CLCN3: variants seen among roughly 807,000 people sequenced by gnomAD.
CLCN3 encodes H(+)/Cl(-) exchange transporter 3.
Under a neutral mutation model 83.4 loss-of-function variants are expected in CLCN3, and 16 were observed. The observed-to-expected ratio is 0.19, with a 90% CI of 0.13 to 0.29. The LOEUF is 0.29. Among genes scored for constraint, CLCN3 ranks in the 10% least tolerant of loss-of-function variants. The probability of loss-of-function intolerance (pLI) is 1.00; values close to 1 mark genes in which losing one functional copy is unlikely to be tolerated. For missense variants in CLCN3, 544 were observed against 1,006.0 expected (o/e 0.54, Z 6.21); for synonymous variants, 322 against 346.2 (o/e 0.93, Z 0.78).
At chr4:169,623,304 G>A (rs967316621) in intron 1 of CLCN3, among the ~76,000 whole-genome samples, 3 of 151,970 alleles carry the variant, frequency 2.0e-5, no homozygotes, top group Admixed American at 6.6e-5. Context: ...TGTTTATTCC[G>A]TTGTCCTCTT....
At position 169,633,240 on chromosome 4, in the gene CLCN3, A is replaced by G. The variant is rs551442888; in HGVS notation, c.-16-2673A>G. Among the ~76,000 whole-genome samples, 38 of 152,152 alleles carry G rather than the reference A, an allele frequency of 2.5e-4. No homozygotes were observed. The South Asian group carries it at 7.9e-3, about 32-fold the overall frequency. On this transcript the variant is annotated intron_variant, in intron 1 of 12. Transcript: ENST00000513761. ...TGGCCAGGTGGGTCTTGAGCTCTTG[A>G]CCTCAAGCGATCCAGCTGCCTCGGC...
chr4:169,668,042 C>CGTTTTTTTTTT (rs780656327), intron 2 of CLCN3, among the ~76,000 whole-genome samples: 1 of 93,634 alleles, frequency 1.1e-5, no homozygotes. Flanking sequence ...CCCGGCCAGA[C>CGTTTTTTTTTT]ATTTTTTTTT....
chr4:169,672,265 G>A (rs1731496760), intron 2 of CLCN3, among the ~76,000 whole-genome samples: 1 of 151,522 alleles, frequency 6.6e-6, no homozygotes, highest in Admixed American at 6.6e-5. Flanking sequence ...TAGATAAAAT[G>A]AGGATCTGGG....
rs1280561011 is a variant in CLCN3 at position 169,697,257 on chromosome 4, T to C, written c.1086T>C (p.Val362=). Residue 362 remains valine (V), a synonymous_variant, in exon 9 of 13, where the codon GTT becomes GTC. Coordinates refer to ENST00000513761, the MANE Select transcript of CLCN3 (RefSeq NM_001829.4). ...SFFAALVAAF[V]LRSINPFGNS... ...TTGCTGCTTTAGTGGCTGCATTTGT[T>C]TTGAGGTCCATCAATCCATTTGGTA... 1.9e-6 allele frequency: 3 copies of C among 1,613,484 alleles called. No individual in the cohort carries two copies. The Admixed American group carries it at 5.0e-5, about 27-fold the overall frequency.
At chr4:169,691,625 C>T (rs1034789330) in intron 6 of CLCN3, among the ~76,000 whole-genome samples, 9 of 152,032 alleles carry the variant, frequency 5.9e-5, no homozygotes, top group African/African-American at 2.2e-4. Flanking sequence ...GAATATCTTT[C>T]ATAAAAAGCA....
chr4:169,675,367 A>G (rs1427022490), intron 2 of CLCN3, among the ~76,000 whole-genome samples: 1 of 152,210 alleles, frequency 6.6e-6, no homozygotes, highest in Non-Finnish European at 1.5e-5. Flanking sequence ...TGGCTTTAAC[A>G]TATATAATTG....
chr4:169,687,782 C>CT, intron 4 of CLCN3, 25 bp downstream of exon 4: 1 of 1,329,072 alleles, frequency 7.5e-7, no homozygotes, highest in South Asian at 1.3e-5. Context: ...TCAAGCAATC[C>CT]TTTTTTAGTT....
chr4:169,654,565 A>T (rs1447001583), intron 2 of CLCN3, among the ~76,000 whole-genome samples: 1 of 151,810 alleles, frequency 6.6e-6, no homozygotes, highest in South Asian at 2.1e-4. Context: ...CTTTTTTATT[A>T]TCACTATTTA....
intron 2 of CLCN3, among the ~76,000 whole-genome samples, chr4:169,639,404 C>A (rs899528380): frequency 2.0e-5 from 3 of 152,044 alleles, no homozygotes; most frequent in Non-Finnish European, 4.4e-5. Flanking sequence ...GAGTAGCAGT[C>A]AAAAATAACT....
At chr4:169,633,187 T>A (rs1457600618) in intron 1 of CLCN3, among the ~76,000 whole-genome samples, 2 of 152,094 alleles carry the variant, frequency 1.3e-5, no homozygotes, top group Non-Finnish European at 2.9e-5. Context: ...TAATTTTTTA[T>A]TTTTAATAGA....
chr4:169,654,887 ACT>A lies in CLCN3; in HGVS notation c.160+18802_160+18803del, dbSNP rs545171191. 9.9e-5 allele frequency among the ~76,000 whole-genome samples: 15 copies of A among 152,066 alleles called. No homozygotes were observed. The East Asian group carries it at 2.9e-3, about 29-fold the overall frequency. Reference sequence around the variant, plus strand: ...GTAAAGTTTGTTAATCTATGAAAATACTCTGTTTCTTTACTGATTATTCTCCT... The same window carrying A: ...GTAAAGTTTGTTAATCTATGAAAATACTGTTTCTTTACTGATTATTCTCCT... On this transcript the variant is annotated intron_variant, in intron 2 of 12. Coordinates refer to ENST00000513761, the MANE Select transcript of CLCN3 (RefSeq NM_001829.4).
chr4:169,696,488 G>A (rs1453802046), intron 8 of CLCN3, among the ~76,000 whole-genome samples: 3 of 151,620 alleles, frequency 2.0e-5, no homozygotes, highest in Non-Finnish European at 4.4e-5. Context: ...TATACATTGC[G>A]GAATAATCAA....
At chr4:169,634,789 CAG>C (rs1462377165) in intron 1 of CLCN3, among the ~76,000 whole-genome samples, 2 of 152,036 alleles carry the variant, frequency 1.3e-5, no homozygotes, top group African/African-American at 4.8e-5. Context: ...TACACTGTGC[CAG>C]TCATTATGCC....
rs1732275065 is a variant in CLCN3 at position 169,689,249 on chromosome 4, C to G, written c.606+19C>G. ...AGCAGAGGTAAGTCTTGCTTTGTCT[C>G]AAGATGAATTAATAATTGATATAGC... On this transcript the variant is annotated intron_variant, in intron 5 of 12. Coordinates refer to ENST00000513761, the MANE Select transcript of CLCN3 (RefSeq NM_001829.4). 4 of 1,587,808 alleles carry G rather than the reference C, an allele frequency of 2.5e-6. No homozygotes were observed. The African/African-American group carries it at 5.4e-5, about 21-fold the overall frequency.
At chr4:169,693,953 G>A (rs1186759748) in intron 7 of CLCN3, among the ~76,000 whole-genome samples, 3 of 152,220 alleles carry the variant, frequency 2.0e-5, no homozygotes, top group South Asian at 2.1e-4. Flanking sequence ...AGGGGAGAGC[G>A]TTGATATTTT....
chr4:169,688,605 T>C (rs1732249884), intron 4 of CLCN3, among the ~76,000 whole-genome samples: 1 of 152,194 alleles, frequency 6.6e-6, no homozygotes, highest in Non-Finnish European at 1.5e-5. Flanking sequence ...AATCTTGATA[T>C]ATGGTTTTCT....
At chr4:169,715,137 A>G (rs527607145) in intron 12 of CLCN3, among the ~76,000 whole-genome samples, 2 of 152,284 alleles carry the variant, frequency 1.3e-5, no homozygotes, top group East Asian at 3.9e-4. Context: ...ATGGTTAACT[A>G]TGAACACAGA....
intron 10 of CLCN3, among the ~76,000 whole-genome samples, chr4:169,704,978 A>G (rs531117628): frequency 1.3e-5 from 2 of 152,362 alleles, no homozygotes; most frequent in East Asian, 3.9e-4. Flanking sequence ...ATTGTGCTAG[A>G]TACAGTGCAT....
chr4:169,720,173 A>G lies in CLCN3; in HGVS notation c.*176A>G. 2.2e-6 allele frequency: 2 copies of G among 902,238 alleles called. No homozygotes were observed. The highest frequency in any genetic ancestry group is 3.4e-6 in the Non-Finnish European group (2 of 589,176). 55.9% of individuals were successfully genotyped at this position (902,238 alleles called of 1,614,324 possible). ...GCAAATAATGCTGGTGGAATGGAGG[A>G]GTTGTTTGGGGAGGGAAAGGAGAGA... On this transcript the variant is annotated 3_prime_UTR_variant, in exon 13 of 13. Coordinates refer to ENST00000513761, the MANE Select transcript of CLCN3 (RefSeq NM_001829.4).
Sources: gnomAD v4.1 joint callset for allele counts (sites outside exome capture counted in the v4.1 genomes callset) on GRCh38, gnomAD v4.1.1 for gene constraint, MANE v1.5 for transcripts, NCBI Gene and HGNC (gene_info 2026-07-23, HGNC 2026-07-21) for gene names.